Variants in LPP observed in about 807,000 individuals in gnomAD.
The protein encoded by LPP is lipoma-preferred partner.
Under a neutral mutation model 60.4 loss-of-function variants are expected in LPP, and 38 were observed. The observed-to-expected ratio is 0.63, with a 90% CI of 0.49 to 0.83. The LOEUF (loss-of-function observed/expected upper bound fraction) is 0.83, where lower values mean the gene tolerates loss of function less well. Ranked by LOEUF, LPP falls within the 40% of genes least tolerant of loss-of-function variation. The pLI is 0.00. For synonymous variants in LPP, 328 were observed against 290.8 expected, an observed-to-expected ratio of 1.13 and a Z score of -1.30; for missense variants, 902 against 783.6, an observed-to-expected ratio of 1.15 and a Z score of -1.80.
intron 10 of LPP, among the ~76,000 whole-genome samples, chr3:188,869,766 C>A (rs199854727): frequency 1.3e-5 from 2 of 152,346 alleles, no homozygotes; most frequent in Admixed American, 1.3e-4. Context: ...TTCTGGAATA[C>A]TGTTTTTGAG....
intron 9 of LPP, among the ~76,000 whole-genome samples, chr3:188,862,838 C>T (rs890803370): frequency 1.6e-4 from 24 of 151,194 alleles, no homozygotes; most frequent in African/African-American, 5.3e-4. Flanking sequence ...TAGAGACATC[C>T]CTCTTTCACT....
At chr3:188,299,570 G>GA (rs1749060482) in intron 2 of LPP, among the ~76,000 whole-genome samples, 1 of 152,118 alleles carries the variant, frequency 6.6e-6, no homozygotes, top group Admixed American at 6.5e-5. Flanking sequence ...ATGAATATGC[G>GA]AAAATAGCAA....
At chr3:188,757,305 G>A (rs1269413522) in intron 8 of LPP, among the ~76,000 whole-genome samples, 1 of 152,192 alleles carries the variant, frequency 6.6e-6, no homozygotes, top group Non-Finnish European at 1.5e-5. Context: ...ATTTGAGGTT[G>A]AATAGATGGA....
chr3:188,271,898 A>G (rs6444274), intron 2 of LPP, among the ~76,000 whole-genome samples: 105,370 of 151,970 alleles, frequency 0.69, 37,287 homozygotes, highest in African/African-American at 0.82. Context: ...TAGTGGTTTA[A>G]GAGGCACCCA....
intron 9 of LPP, among the ~76,000 whole-genome samples, chr3:188,825,079 G>A (rs563233611): frequency 2.6e-5 from 4 of 152,256 alleles, no homozygotes; most frequent in South Asian, 4.1e-4. Flanking sequence ...TATGTGCAAT[G>A]TCTGAGTTTG....
chr3:188,366,121 T>G (rs1771087195), intron 3 of LPP, among the ~76,000 whole-genome samples: 1 of 152,222 alleles, frequency 6.6e-6, no homozygotes, highest in African/African-American at 2.4e-5. Context: ...CACATATCAG[T>G]GAGGTCACGC....
chr3:188,533,508 T>C (rs1822756257), intron 6 of LPP, among the ~76,000 whole-genome samples: 1 of 152,114 alleles, frequency 6.6e-6, no homozygotes, highest in Admixed American at 6.5e-5. Flanking sequence ...TAGGAAAAAT[T>C]TAGGAGCTTT....
At chr3:188,704,857 C>G (rs1389332667) in intron 7 of LPP, among the ~76,000 whole-genome samples, 1 of 151,962 alleles carries the variant, frequency 6.6e-6, no homozygotes, top group Non-Finnish European at 1.5e-5. Flanking sequence ...GAGCCCCTAG[C>G]TCACCGAGAA....
chr3:188,204,858 A>G (rs1176064800), intron 1 of LPP, among the ~76,000 whole-genome samples: 1 of 152,198 alleles, frequency 6.6e-6, no homozygotes, highest in Non-Finnish European at 1.5e-5. Flanking sequence ...ATGAGTTTCA[A>G]AGATTTCTGA....
At chr3:188,382,162 C>T (rs1314863749) in intron 3 of LPP, among the ~76,000 whole-genome samples, 1 of 152,110 alleles carries the variant, frequency 6.6e-6, no homozygotes, top group African/African-American at 2.4e-5. Flanking sequence ...AGTTCATATC[C>T]CATTTGCCCA....
At chr3:188,396,891 G>A (rs1781085317) in intron 3 of LPP, among the ~76,000 whole-genome samples, 1 of 152,180 alleles carries the variant, frequency 6.6e-6, no homozygotes, top group Admixed American at 6.5e-5. Context: ...AGTTGTGGGA[G>A]GAGATTTTGA....
At chr3:188,758,681 G>A (rs1362870971) in intron 8 of LPP, 1 of 152,178 alleles carries the variant, frequency 6.6e-6, no homozygotes, top group East Asian at 1.9e-4. Flanking sequence ...GTGATGGAGT[G>A]CTGAAAGCCG....
At chr3:188,642,436 A>C (rs1343648176) in intron 7 of LPP, among the ~76,000 whole-genome samples, 1 of 152,234 alleles carries the variant, frequency 6.6e-6, no homozygotes, top group Non-Finnish European at 1.5e-5. Context: ...GAAGCCACAC[A>C]CAGTGCCGGA....
In LPP at chr3:188,156,601, G is replaced by A. The variant is rs150176652; in HGVS notation, c.-190+2349G>A. On this transcript the variant is annotated intron_variant, in intron 1 of 11. Coordinates refer to ENST00000617246, the MANE Select transcript of LPP (RefSeq NM_001375462.1). ...GTAATGCCAGCACTTTGGGAGGCTC[G>A]AGGCAGGTGGATCACCTGAGGTCAG... 4.6e-5 allele frequency among the ~76,000 whole-genome samples: 7 copies of A among 152,172 alleles called. No homozygotes were observed. The East Asian group carries it at 7.7e-4, about 17-fold the overall frequency.
At chr3:188,752,007 T>G (rs1211813859) in intron 8 of LPP, among the ~76,000 whole-genome samples, 1 of 152,196 alleles carries the variant, frequency 6.6e-6, no homozygotes, top group Non-Finnish European at 1.5e-5. Flanking sequence ...ACTGTCATCT[T>G]TAGAGAACAG....
At chr3:188,858,813 G>A (rs1237867227) in intron 9 of LPP, among the ~76,000 whole-genome samples, 2 of 152,046 alleles carry the variant, frequency 1.3e-5, no homozygotes, top group East Asian at 3.9e-4. Context: ...TGTTCGGCCG[G>A]GCGTGGTGGC....
intron 2 of LPP, among the ~76,000 whole-genome samples, chr3:188,304,519 C>G (rs1750899473): frequency 6.6e-6 from 1 of 152,154 alleles, no homozygotes. Context: ...CCCTTTAAAT[C>G]TCACAGCTTT....
At chr3:188,274,509 A>G (rs1738971403) in intron 2 of LPP, among the ~76,000 whole-genome samples, 1 of 151,840 alleles carries the variant, frequency 6.6e-6, no homozygotes, top group Admixed American at 6.6e-5. Flanking sequence ...CGTTCTGACC[A>G]CTCTCTTGGT....
At chr3:188,596,798 AT>A (rs1486800049) in intron 6 of LPP, among the ~76,000 whole-genome samples, 4 of 152,120 alleles carry the variant, frequency 2.6e-5, no homozygotes, top group Non-Finnish European at 5.9e-5. Context: ...GGTCACCCAA[AT>A]TTTTTTAGAA....
Sources: allele counts gnomAD v4.1 joint callset (sites outside exome capture counted in the v4.1 genomes callset), GRCh38; gene constraint gnomAD v4.1.1; transcripts MANE v1.5; gene names NCBI Gene and HGNC (gene_info 2026-07-23, HGNC 2026-07-21).